Variants in LPP observed in about 807,000 individuals in gnomAD.
The protein encoded by LPP is lipoma-preferred partner.
In LPP, 38 loss-of-function variants were observed where a neutral mutation model predicts 60.4. That is an observed-to-expected ratio of 0.63 (90% CI 0.49 to 0.83). The LOEUF is 0.83. Among genes scored for constraint, LPP ranks in the 40% least tolerant of loss-of-function variants. The probability of loss-of-function intolerance (pLI) is 0.00; values close to 1 mark genes in which losing one functional copy is unlikely to be tolerated. For synonymous variants in LPP, 328 were observed against 290.8 expected (o/e 1.13, Z -1.30); for missense variants, 902 against 783.6 (o/e 1.15, Z -1.80).
At chr3:188,358,847 T>A (rs1449377138) in intron 3 of LPP, among the ~76,000 whole-genome samples, 1 of 152,180 alleles carries the variant, frequency 6.6e-6, no homozygotes, top group Non-Finnish European at 1.5e-5. Context: ...TATTTTTTGA[T>A]GCATTGTCCG....
intron 3 of LPP, among the ~76,000 whole-genome samples, chr3:188,382,093 A>G (rs531925307): frequency 6.6e-6 from 1 of 152,078 alleles, no homozygotes; most frequent in South Asian, 2.1e-4. Context: ...CAGCCAGGGA[A>G]TGTTTGAAGA....
intron 1 of LPP, among the ~76,000 whole-genome samples, chr3:188,157,563 A>G (rs1351183090): frequency 6.6e-6 from 1 of 152,176 alleles, no homozygotes; most frequent in African/African-American, 2.4e-5. Flanking sequence ...GGCAGGTAGC[A>G]GGTAAAACCC....
At chr3:188,747,714 C>T (rs1232374190) in intron 8 of LPP, among the ~76,000 whole-genome samples, 5 of 152,166 alleles carry the variant, frequency 3.3e-5, no homozygotes, top group Non-Finnish European at 7.4e-5. Context: ...TTTCCACATA[C>T]TGTGTGCACA....
In LPP at chr3:188,609,052, A is replaced by G. The variant is rs1843073680; in HGVS notation, c.430-109A>G. The G allele has an allele frequency of 2.4e-6, 2 of 831,940 alleles. No individual in the cohort carries two copies. The highest frequency in any genetic ancestry group is 2.7e-5 in the East Asian group (1 of 37,434). The allele number at this position is 831,940 out of a possible 1,614,324, so 51.5% of individuals were successfully genotyped here. A position where few individuals can be genotyped will look rare whatever the true frequency, so the allele number is the denominator to read the frequency against. On this transcript the variant is annotated intron_variant, in intron 6 of 11. Transcript: ENST00000617246. The surrounding 1 kb of genome is among the most constrained non-coding windows in gnomAD (Gnocchi z 6.9). The stretch of plus-strand genomic sequence containing the variant: ...TGCCTTATTTGTGTTCTACATAGTA[A>G]TAAATAATAATTAGCAGTTATTAAT...
In LPP at chr3:188,421,906, G is replaced by A. The variant is rs570734681; in HGVS notation, c.193+15593G>A. 1.3e-4 allele frequency among the ~76,000 whole-genome samples: 20 copies of A among 152,214 alleles called. 1 individual carries two copies. The East Asian group carries it at 2.9e-3, about 22-fold the overall frequency. ...TACAGTCAAAAAGTGGTCCACCAAG[G>A]TTATGGCTCCTAAGTACCCCACCCG... On this transcript the variant is annotated intron_variant, in intron 4 of 11. Coordinates refer to ENST00000617246, the MANE Select transcript of LPP (RefSeq NM_001375462.1).
intron 4 of LPP, among the ~76,000 whole-genome samples, chr3:188,461,487 A>G (rs922521257): frequency 7.9e-5 from 12 of 152,306 alleles, no homozygotes; most frequent in African/African-American, 2.4e-4. Flanking sequence ...GATATGTTCA[A>G]TAATTTTTGC....
intron 3 of LPP, among the ~76,000 whole-genome samples, chr3:188,370,860 C>T (rs1023287595): frequency 5.3e-5 from 8 of 152,146 alleles, no homozygotes; most frequent in African/African-American, 1.7e-4. Context: ...CTCACGCCTG[C>T]GTAACTCTAC....
At chr3:188,666,794 G>A (rs898086921) in intron 7 of LPP, among the ~76,000 whole-genome samples, 3 of 152,122 alleles carry the variant, frequency 2.0e-5, no homozygotes, top group Admixed American at 6.5e-5. Flanking sequence ...GTTGTGTTAT[G>A]CTGCAGGGAG....
intron 7 of LPP, among the ~76,000 whole-genome samples, chr3:188,666,370 C>T (rs1050564580): frequency 6.6e-6 from 1 of 152,070 alleles, no homozygotes; most frequent in South Asian, 2.1e-4. Context: ...GTTGAAGGAC[C>T]AGAAAGATTC....
At position 188,347,747 on chromosome 3, in the gene LPP, A is replaced by G. The variant is rs139188069; in HGVS notation, c.-10+6028A>G. On this transcript the variant is annotated intron_variant, in intron 3 of 11. Transcript: ENST00000617246. ...GTGTGAAGCTAAAGCTTAGCACCTG[A>G]TGACCCACTGTGAGTGTGTGGGGGG... Among the ~76,000 whole-genome samples the G allele has an allele frequency of 2.1e-3, 315 of 152,344 alleles. 2 individuals carry two copies. Among genetic ancestry groups the G allele is most frequent in the Middle Eastern group, 6.8e-3 (2 of 294 alleles).
At chr3:188,189,358 C>T (rs1486085592) in intron 1 of LPP, among the ~76,000 whole-genome samples, 1 of 152,150 alleles carries the variant, frequency 6.6e-6, no homozygotes. Context: ...AAAGCACTGG[C>T]ATTACAGGCA....
At chr3:188,667,177 T>A (rs1855964167) in intron 7 of LPP, among the ~76,000 whole-genome samples, 2 of 152,096 alleles carry the variant, frequency 1.3e-5, no homozygotes, top group African/African-American at 4.8e-5. Context: ...ATGTGAGTCC[T>A]AAAATCTTCG....
intron 4 of LPP, among the ~76,000 whole-genome samples, chr3:188,462,267 G>C (rs1799136186): frequency 6.6e-6 from 1 of 151,264 alleles, no homozygotes; most frequent in African/African-American, 2.4e-5. Context: ...TTTTGAAGAT[G>C]GGGTAACTGA....
At chr3:188,579,844 C>G (rs1195760163) in intron 6 of LPP, among the ~76,000 whole-genome samples, 1 of 109,616 alleles carries the variant, frequency 9.1e-6, no homozygotes, top group East Asian at 3.1e-4. Context: ...ATGGCATGCA[C>G]TTGTTGTGTC....
At chr3:188,554,821 A>G (rs748033596) in intron 6 of LPP, among the ~76,000 whole-genome samples, 1 of 152,188 alleles carries the variant, frequency 6.6e-6, no homozygotes, top group Non-Finnish European at 1.5e-5. Context: ...TGACATATTT[A>G]TTGAAGACTT....
At chr3:188,196,658 T>C (rs1729625872) in intron 1 of LPP, among the ~76,000 whole-genome samples, 1 of 152,220 alleles carries the variant, frequency 6.6e-6, no homozygotes, top group Non-Finnish European at 1.5e-5. Context: ...GCTATGTCCC[T>C]GTTTTTAAAA....
intron 4 of LPP, among the ~76,000 whole-genome samples, chr3:188,441,009 A>C (rs1384711496): frequency 1.7e-5 from 2 of 115,486 alleles, no homozygotes; most frequent in African/African-American, 3.0e-5. Context: ...GATGCAGTGT[A>C]CTCTCTCTCC....
intron 6 of LPP, among the ~76,000 whole-genome samples, chr3:188,583,065 A>G (rs532058594): frequency 2.0e-5 from 3 of 152,320 alleles, no homozygotes; most frequent in African/African-American, 7.2e-5. Context: ...CTAATATGTT[A>G]TCTCCTTATT....
rs33982362 is a variant in LPP at position 188,800,246 on chromosome 3, CT to C, written c.1410+39981del. ...TATCTTCATGAAATGTTGAAGCTTTCTTTTTTTTTTTTTTTTTGAGATGGAG... is the reference window on the plus strand; with the variant it reads ...TATCTTCATGAAATGTTGAAGCTTTCTTTTTTTTTTTTTTTTGAGATGGAG... On this transcript the variant is annotated intron_variant, in intron 9 of 11. Coordinates refer to ENST00000617246, the MANE Select transcript of LPP (RefSeq NM_001375462.1). Among the ~76,000 whole-genome samples, 892 of 97,272 alleles carry C rather than the reference CT, an allele frequency of 9.2e-3. 8 individuals carry two copies. The highest frequency in any genetic ancestry group is 0.033 in the African/African-American group (814 of 24,366). 63.8% of individuals were successfully genotyped at this position (97,272 alleles called of 152,430 possible). A position where few individuals can be genotyped will look rare whatever the true frequency, so the allele number is the denominator to read the frequency against.
Sources: allele counts gnomAD v4.1 joint callset (sites outside exome capture counted in the v4.1 genomes callset), GRCh38; gene constraint gnomAD v4.1.1; non-coding constraint Gnocchi (gnomAD v3.1); transcripts MANE v1.5; gene names NCBI Gene and HGNC (gene_info 2026-07-23, HGNC 2026-07-21).